The following SCD5 variants were observed in gnomAD, a reference collection of about 807,000 sequenced individuals.
SCD5 encodes acyl-CoA-desaturase 4.
In SCD5, 20 loss-of-function variants were observed where a neutral mutation model predicts 30.4. That is an observed-to-expected ratio of 0.66 (90% CI 0.46 to 0.96). SCD5 has a LOEUF of 0.96. Ranked by LOEUF, SCD5 falls within the 40% of genes least tolerant of loss-of-function variation. The pLI is 0.00. For synonymous variants in SCD5, 173 were observed against 176.4 expected (o/e 0.98, Z 0.16); for missense variants, 381 against 443.3 (o/e 0.86, Z 1.26).
At chr4:82,693,700 A>G (rs1340414491) in intron 2 of SCD5, among the ~76,000 whole-genome samples, 2 of 152,202 alleles carry the variant, frequency 1.3e-5, no homozygotes, top group African/African-American at 2.4e-5. Context: ...GGCATTGTCC[A>G]GAGCAAGCTC....
chr4:82,725,934 G>C (rs1236247236), intron 1 of SCD5, among the ~76,000 whole-genome samples: 1 of 152,168 alleles, frequency 6.6e-6, no homozygotes, highest in African/African-American at 2.4e-5. Context: ...AATCCCATAG[G>C]AAGCAGGATT....
Position 82,756,921 on chromosome 4 carries a change from T to C in SCD5, c.232+41385A>G, listed in dbSNP as rs534054555. 3.9e-5 allele frequency among the ~76,000 whole-genome samples: 6 copies of C among 152,198 alleles called. 1 individual carries two copies. The South Asian group carries it at 1.2e-3, about 32-fold the overall frequency. ...CCCTCTGTCACCCAGGCTGGAGTGT[T>C]GTGGCGCAATCTTGGCTCACCACAG... On this transcript the variant is annotated intron_variant, in intron 1 of 4. Transcript: ENST00000319540.
At position 82,699,364 on chromosome 4, in the gene SCD5, C is replaced by G. The variant is rs117362255; in HGVS notation, c.363+5919G>C. Among the ~76,000 whole-genome samples, 54 of 152,248 alleles carry G rather than the reference C, an allele frequency of 3.5e-4. No homozygotes were observed. In the East Asian group the frequency reaches 9.9e-3, roughly 28 times the overall value. On this transcript the variant is annotated intron_variant, in intron 2 of 4. Transcript: ENST00000319540. ...CTATCAAATGAGGAAAATAATAGTA[C>G]CTACTTTGTAGGGGCATTATCAATG...
intron 1 of SCD5, among the ~76,000 whole-genome samples, chr4:82,773,292 A>G (rs1264378118): frequency 6.6e-6 from 1 of 152,224 alleles, no homozygotes; most frequent in African/African-American, 2.4e-5. Context: ...TATATTGTTC[A>G]GCACCACACC....
chr4:82,764,974 A>G lies in SCD5; in HGVS notation c.232+33332T>C, dbSNP rs1286114607. On this transcript the variant is annotated intron_variant, in intron 1 of 4. Coordinates refer to ENST00000319540, the MANE Select transcript of SCD5 (RefSeq NM_001037582.3). ...ACTCCTGATCTCAGGTGATCCACCC[A>G]CCTTGGCCTCCCAAAGTGCTGGGAA... Among the ~76,000 whole-genome samples the G allele has an allele frequency of 2.6e-5, 4 of 152,244 alleles. No individual in the cohort carries two copies. In the East Asian group the frequency reaches 7.7e-4, roughly 29 times the overall value.
intron 2 of SCD5, among the ~76,000 whole-genome samples, chr4:82,701,585 C>A (rs1004051107): frequency 3.3e-5 from 5 of 152,066 alleles, no homozygotes; most frequent in Non-Finnish European, 7.4e-5. Flanking sequence ...CAGTGGGTGG[C>A]CTGAATCAGG....
chr4:82,798,183 A>G, intron 1 of SCD5, 123 bp downstream of exon 1: 1 of 1,047,494 alleles, frequency 9.5e-7, no homozygotes, highest in Non-Finnish European at 1.2e-6. Context: ...GCGCAGCGGG[A>G]GGCGAGGGGA....
At chr4:82,748,892 A>G (rs1263350549) in intron 1 of SCD5, among the ~76,000 whole-genome samples, 1 of 152,142 alleles carries the variant, frequency 6.6e-6, no homozygotes, top group Non-Finnish European at 1.5e-5. Flanking sequence ...ACCAATAAGT[A>G]TTCTTCTCTA....
chr4:82,712,275 T>C lies in SCD5; in HGVS notation c.233-6862A>G, dbSNP rs1218207366. 3.4e-4 allele frequency among the ~76,000 whole-genome samples: 17 copies of C among 50,586 alleles called. 2 individuals are homozygous for C. The highest frequency in any genetic ancestry group is 1.9e-3 in the African/African-American group (16 of 8,362). 33.2% of individuals were successfully genotyped at this position (50,586 alleles called of 152,430 possible). A position where few individuals can be genotyped will look rare whatever the true frequency, so the allele number is the denominator to read the frequency against. ...ATATATATATATATATATATATATA[T>C]ATATATATATATATATATATATTTT... On this transcript the variant is annotated intron_variant, in intron 1 of 4. Transcript: ENST00000319540.
Position 82,713,333 on chromosome 4 carries a change from C to G in SCD5, c.233-7920G>C, listed in dbSNP as rs114169364. ...CCTGGTTGATTTACAGCTTATATAG[C>G]AATAAGCATGAAAGTCATAGCAGAT... On this transcript the variant is annotated intron_variant, in intron 1 of 4. Transcript: ENST00000319540. Among the ~76,000 whole-genome samples, 6 of 152,226 alleles carry G rather than the reference C, an allele frequency of 3.9e-5. No individual in the cohort carries two copies. In the South Asian group the frequency reaches 1.2e-3, roughly 32 times the overall value.
At chr4:82,692,430 AC>A in intron 2 of SCD5, 1 of 154,070 alleles carries the variant, frequency 6.5e-6, no homozygotes. Context: ...AGAAGCCAGC[AC>A]CCCACACAAC....
At chr4:82,654,449 C>T (rs1727827170) in intron 3 of SCD5, among the ~76,000 whole-genome samples, 1 of 152,226 alleles carries the variant, frequency 6.6e-6, no homozygotes, top group African/African-American at 2.4e-5. Context: ...GACTCTTAGA[C>T]TACCCTTTGC....
intron 1 of SCD5, among the ~76,000 whole-genome samples, chr4:82,718,228 GT>G (rs1273827164): frequency 6.6e-6 from 1 of 151,816 alleles, no homozygotes; most frequent in Admixed American, 6.5e-5. Flanking sequence ...AGAGGGCTGA[GT>G]GCTGTGCTCT....
At chr4:82,777,193 A>C (rs1371738700) in intron 1 of SCD5, among the ~76,000 whole-genome samples, 1 of 152,258 alleles carries the variant, frequency 6.6e-6, no homozygotes, top group Non-Finnish European at 1.5e-5. Context: ...TCCATTGTAC[A>C]GATGAAGAAC....
At chr4:82,790,459 T>G (rs1248040816) in intron 1 of SCD5, among the ~76,000 whole-genome samples, 1 of 152,160 alleles carries the variant, frequency 6.6e-6, no homozygotes, top group African/African-American at 2.4e-5. Flanking sequence ...CTGTCTCTCT[T>G]TCTCAGGACC....
intron 4 of SCD5, among the ~76,000 whole-genome samples, chr4:82,635,396 G>T (rs1385314263): frequency 6.6e-6 from 1 of 152,040 alleles, no homozygotes; most frequent in Admixed American, 6.5e-5. Context: ...GAGGCAGGCG[G>T]ATCATGAGGT....
At chr4:82,737,469 T>G (rs546199198) in intron 1 of SCD5, among the ~76,000 whole-genome samples, 5 of 152,332 alleles carry the variant, frequency 3.3e-5, no homozygotes, top group African/African-American at 1.2e-4. Flanking sequence ...TTTTGCTCAA[T>G]GGATGCAGCT....
chr4:82,747,078 G>A lies in SCD5; in HGVS notation c.233-41665C>T, dbSNP rs535086565. Among the ~76,000 whole-genome samples the A allele has an allele frequency of 1.5e-4, 15 of 97,800 alleles. No homozygotes were observed. In the East Asian group the frequency reaches 2.1e-3, roughly 14 times the overall value. The allele number at this position is 97,800 out of a possible 152,430, so 64.2% of individuals were successfully genotyped here. A position where few individuals can be genotyped will look rare whatever the true frequency, so the allele number is the denominator to read the frequency against. ...AAAGTCTGGGCAACCTGCCCCCCAAGAAAGACGACCTTCCCACTCCATCCC... is the reference window on the plus strand; with the variant it reads ...AAAGTCTGGGCAACCTGCCCCCCAAAAAAGACGACCTTCCCACTCCATCCC... On this transcript the variant is annotated intron_variant, in intron 1 of 4. Transcript: ENST00000319540.
At chr4:82,765,311 C>G (rs1347096992) in intron 1 of SCD5, among the ~76,000 whole-genome samples, 1 of 152,160 alleles carries the variant, frequency 6.6e-6, no homozygotes, top group Non-Finnish European at 1.5e-5. Context: ...AAAGATATTA[C>G]TCCACTGCCT....
Sources: gnomAD v4.1 joint callset for allele counts (sites outside exome capture counted in the v4.1 genomes callset) on GRCh38, gnomAD v4.1.1 for gene constraint, MANE v1.5 for transcripts, NCBI Gene and HGNC (gene_info 2026-07-23, HGNC 2026-07-21) for gene names.